KCNMB4: variants seen among roughly 807,000 people sequenced by gnomAD.
The protein encoded by KCNMB4 is potassium calcium-activated channel subfamily M regulatory beta subunit 4.
KCNMB4 carries 3 observed loss-of-function variants against 20.7 expected under a neutral mutation model. The observed-to-expected ratio is 0.14, with a 90% confidence interval of 0.07 to 0.37. The LOEUF (loss-of-function observed/expected upper bound fraction) is 0.37. KCNMB4 is among the 10% of genes least tolerant of loss of function. The pLI is 1.00. For missense variants in KCNMB4, 168 were observed against 265.9 expected, an observed-to-expected ratio of 0.63 and a Z score of 2.56; for synonymous variants, 110 against 113.4, an observed-to-expected ratio of 0.97 and a Z score of 0.19.
chr12:70,375,897 T>G (rs188928262), intron 1 of KCNMB4, among the ~76,000 whole-genome samples: 2 of 152,308 alleles, frequency 1.3e-5, no homozygotes, highest in East Asian at 1.9e-4. Flanking sequence ...TCTGTCCTTT[T>G]CTTGTGATGT....
At chr12:70,400,488 C>A in intron 2 of KCNMB4, 152 bp downstream of exon 2, 2 of 756,142 alleles carry the variant, frequency 2.6e-6, no homozygotes, top group Non-Finnish European at 4.2e-6. Context: ...AATGAATCTG[C>A]AGGACAGAGA....
At chr12:70,414,108 T>C (rs547140414) in intron 2 of KCNMB4, among the ~76,000 whole-genome samples, 1 of 152,208 alleles carries the variant, frequency 6.6e-6, no homozygotes, top group Admixed American at 6.5e-5. Context: ...GGTGCATGCC[T>C]GTAATCCCAG....
intron 1 of KCNMB4, among the ~76,000 whole-genome samples, chr12:70,375,765 T>C (rs999454490): frequency 6.6e-6 from 1 of 152,186 alleles, no homozygotes; most frequent in Non-Finnish European, 1.5e-5. Flanking sequence ...CTATACGTAT[T>C]AGCTCTCACT....
chr12:70,376,163 A>C (rs1355415917), intron 1 of KCNMB4, among the ~76,000 whole-genome samples: 2 of 149,660 alleles, frequency 1.3e-5, no homozygotes, highest in Admixed American at 6.8e-5. Context: ...AAAAAAAAAA[A>C]AACCAACAAA....
chr12:70,422,906 TC>T (rs1869105558), intron 2 of KCNMB4: 2 of 1,044,724 alleles, frequency 1.9e-6, no homozygotes, highest in South Asian at 4.5e-5. Flanking sequence ...GGCGACGGTT[TC>T]CCCAGGCCTC....
At chr12:70,408,605 C>T (rs1259895884) in intron 2 of KCNMB4, among the ~76,000 whole-genome samples, 1 of 151,978 alleles carries the variant, frequency 6.6e-6, no homozygotes, top group Non-Finnish European at 1.5e-5. Flanking sequence ...CAGTCAGTCT[C>T]GGTGCGGCCA....
intron 1 of KCNMB4, among the ~76,000 whole-genome samples, chr12:70,380,970 A>G (rs1378179923): frequency 2.0e-5 from 3 of 152,258 alleles, no homozygotes; most frequent in African/African-American, 7.2e-5. Flanking sequence ...AGACAAGTGT[A>G]ACAGAAAGAA....
At chr12:70,410,965 G>A (rs1187980528) in intron 2 of KCNMB4, among the ~76,000 whole-genome samples, 1 of 152,126 alleles carries the variant, frequency 6.6e-6, no homozygotes, top group Non-Finnish European at 1.5e-5. Context: ...TAAACATAAT[G>A]GCCTGAGCTC....
At chr12:70,383,568 G>C (rs971864338) in intron 1 of KCNMB4, among the ~76,000 whole-genome samples, 2 of 152,190 alleles carry the variant, frequency 1.3e-5, no homozygotes, top group Non-Finnish European at 2.9e-5. Context: ...CAGTTCTGAA[G>C]TCTGTAAGTC....
At chr12:70,367,169 A>T (rs992552434) in intron 1 of KCNMB4, 99 bp downstream of exon 1, 4 of 954,742 alleles carry the variant, frequency 4.2e-6, no homozygotes, top group Non-Finnish European at 6.0e-6. Flanking sequence ...GTGTGCTCGC[A>T]TTGCTAGGAG....
chr12:70,407,165 A>G (rs1029490050), intron 2 of KCNMB4, among the ~76,000 whole-genome samples: 5 of 152,072 alleles, frequency 3.3e-5, no homozygotes, highest in African/African-American at 1.2e-4. Flanking sequence ...CCTTGCATTC[A>G]ATAATTTGCT....
chr12:70,422,862 T>G, intron 2 of KCNMB4: 1 of 1,189,160 alleles, frequency 8.4e-7, no homozygotes, highest in Non-Finnish European at 1.1e-6. Context: ...GAGTAAAACC[T>G]TTTAAAAAGT....
intron 1 of KCNMB4, among the ~76,000 whole-genome samples, chr12:70,378,564 T>C (rs1231072308): frequency 2.0e-5 from 3 of 152,094 alleles, no homozygotes; most frequent in African/African-American, 7.2e-5. Flanking sequence ...TGAGATGGAG[T>C]CTCGCTGTGC....
chr12:70,430,224 CAT>C, intron 2 of KCNMB4, among the ~76,000 whole-genome samples: 1 of 152,144 alleles, frequency 6.6e-6, no homozygotes, highest in African/African-American at 2.4e-5. Context: ...GAAGAAAAAT[CAT>C]AGCATAAGAG....
rs373533032 is a variant in KCNMB4 at position 70,373,810 on chromosome 12, C to T, written c.336+6740C>T. ...GAGGCCTGTACCACGTAGTAAGATC[C>T]CATCTCTTAAAAAAATATCAAGGAA... On this transcript the variant is annotated intron_variant, in intron 1 of 2. Coordinates refer to ENST00000258111, the MANE Select transcript of KCNMB4 (RefSeq NM_014505.6). Among the ~76,000 whole-genome samples, 16 of 152,044 alleles carry T rather than the reference C, an allele frequency of 1.1e-4. No individual in the cohort carries two copies. In the East Asian group the frequency reaches 2.5e-3, roughly 24 times the overall value.
intron 2 of KCNMB4, among the ~76,000 whole-genome samples, chr12:70,417,317 G>A (rs996044988): frequency 3.9e-5 from 6 of 152,192 alleles, no homozygotes; most frequent in African/African-American, 1.2e-4. Flanking sequence ...GCTGGCAGCA[G>A]TTCCTAGCAT....
At chr12:70,415,029 C>A (rs1287097954) in intron 2 of KCNMB4, among the ~76,000 whole-genome samples, 1 of 152,212 alleles carries the variant, frequency 6.6e-6, no homozygotes, top group African/African-American at 2.4e-5. Flanking sequence ...TATTTCACTG[C>A]TGATCTTCCT....
At chr12:70,384,314 G>A (rs953943761) in intron 1 of KCNMB4, among the ~76,000 whole-genome samples, 4 of 150,752 alleles carry the variant, frequency 2.7e-5, no homozygotes, top group Non-Finnish European at 5.9e-5. Flanking sequence ...ATTTTTGTGA[G>A]AGAAAACTGA....
intron 1 of KCNMB4, among the ~76,000 whole-genome samples, chr12:70,379,703 T>C: frequency 6.6e-6 from 1 of 152,242 alleles, no homozygotes; most frequent in East Asian, 1.9e-4. Flanking sequence ...TGAGCCACCA[T>C]GCCCAGCCCA....
Sources: allele counts gnomAD v4.1 joint callset (sites outside exome capture counted in the v4.1 genomes callset), GRCh38; gene constraint gnomAD v4.1.1; transcripts MANE v1.5; gene names NCBI Gene and HGNC (gene_info 2026-07-23, HGNC 2026-07-21).